CPED1: variants seen among roughly 807,000 people sequenced by gnomAD.
CPED1 encodes cadherin like and PC-esterase domain containing 1, also known as cadherin-like and PC-esterase domain-containing protein 1.
CPED1 carries 114 observed loss-of-function variants against 128.2 expected under a neutral mutation model. The observed-to-expected ratio is 0.89, with a 90% confidence interval of 0.76 to 1.04. CPED1 has a LOEUF of 1.04. Among genes scored for constraint, CPED1 ranks in the 50% least tolerant of loss-of-function variants. CPED1 has a pLI of 0.00. For missense variants in CPED1, 1,211 were observed against 1,207.1 expected (o/e 1.00, Z -0.05); for synonymous variants, 462 against 426.7 (o/e 1.08, Z -1.02).
chr7:121,024,015 G>GA, intron 3 of CPED1, among the ~76,000 whole-genome samples: 1 of 152,094 alleles, frequency 6.6e-6, no homozygotes, highest in East Asian at 1.9e-4. Context: ...AAACTGGGGG[G>GA]AAAAAAGGAA....
intron 16 of CPED1, among the ~76,000 whole-genome samples, chr7:121,144,668 T>C (rs2116378899): frequency 6.6e-6 from 1 of 152,032 alleles, no homozygotes; most frequent in African/African-American, 2.4e-5. Context: ...TCAAAACAAC[T>C]AGAAGAGTGG....
At chr7:121,284,001 G>A (rs770820351) in intron 22 of CPED1, among the ~76,000 whole-genome samples, 5 of 152,224 alleles carry the variant, frequency 3.3e-5, no homozygotes, top group Middle Eastern at 3.4e-3. Flanking sequence ...GTATTAGTCC[G>A]TTCTCATGCT....
rs1036960866 is a variant in CPED1 at position 121,046,805 on chromosome 7, AT to A, written c.434-76del. ...TGTGTTTCAGAATTTAAATAATTAC[AT>A]TTTTTAATCTGAAGAATTAAATATT... On this transcript the variant is annotated intron_variant, in intron 3 of 22. Transcript: ENST00000310396. The A allele has an allele frequency of 2.2e-5, 19 of 864,168 alleles. No individual in the cohort carries two copies. The African/African-American group carries it at 2.9e-4, about 13-fold the overall frequency. 53.5% of individuals were successfully genotyped at this position (864,168 alleles called of 1,614,324 possible). A position where few individuals can be genotyped will look rare whatever the true frequency, so the allele number is the denominator to read the frequency against.
chr7:121,156,016 C>A (rs1227189709), intron 16 of CPED1, among the ~76,000 whole-genome samples: 1 of 152,058 alleles, frequency 6.6e-6, no homozygotes, highest in African/African-American at 2.4e-5. Context: ...AAAAATAAAT[C>A]TGATTTTAAA....
rs546744522 is a variant in CPED1 at position 121,269,805 on chromosome 7, G to A, written c.2722-1479G>A. 9.9e-5 allele frequency among the ~76,000 whole-genome samples: 15 copies of A among 151,996 alleles called. No homozygotes were observed. In the East Asian group the frequency reaches 2.7e-3, roughly 28 times the overall value. On this transcript the variant is annotated intron_variant, in intron 21 of 22. Coordinates refer to ENST00000310396, the MANE Select transcript of CPED1 (RefSeq NM_024913.5). ...CTTGTATGTTGTATTAGTCTGCTTT[G>A]CATTGCTATAAAGAAATACCAGAGA...
intron 16 of CPED1, among the ~76,000 whole-genome samples, chr7:121,177,562 C>G (rs890553195): frequency 6.6e-6 from 1 of 151,884 alleles, no homozygotes; most frequent in African/African-American, 2.4e-5. Context: ...GTGTACAAGC[C>G]AAACAAAATG....
chr7:121,044,648 C>CTTT lies in CPED1; in HGVS notation c.434-2238_434-2237insTTT, dbSNP rs35159862. On this transcript the variant is annotated intron_variant, in intron 3 of 22. Transcript: ENST00000310396. ...GATTGCTGAGAGCAGTGACTTTCTG[C>CTTT]TCTTTTTTTTTTTTTTTTTTTGCTA... Among the ~76,000 whole-genome samples the CTTT allele has an allele frequency of 2.2e-3, 152 of 69,498 alleles. 20 individuals are homozygous for CTTT. The highest frequency in any genetic ancestry group is 6.5e-3 in the African/African-American group (129 of 19,726). The allele number at this position is 69,498 out of a possible 152,430, so 45.6% of individuals were successfully genotyped here.
chr7:121,279,090 C>T (rs1203256389), intron 22 of CPED1, among the ~76,000 whole-genome samples: 2 of 152,036 alleles, frequency 1.3e-5, no homozygotes, highest in African/African-American at 4.8e-5. Flanking sequence ...TTGGTGAAAA[C>T]AGGTTTTGTT....
At chr7:121,154,505 A>C (rs1243165697) in intron 16 of CPED1, among the ~76,000 whole-genome samples, 2 of 151,700 alleles carry the variant, frequency 1.3e-5, no homozygotes, top group Admixed American at 6.6e-5. Flanking sequence ...ATCACAAAAT[A>C]TGTTGAATTT....
chr7:121,127,462 A>G (rs1384037032), intron 10 of CPED1, among the ~76,000 whole-genome samples: 3 of 151,962 alleles, frequency 2.0e-5, no homozygotes, highest in African/African-American at 7.2e-5. Context: ...TTATGATAAA[A>G]TTATGGGTTG....
At chr7:121,293,325 C>G (rs1211096255) in intron 22 of CPED1, among the ~76,000 whole-genome samples, 1 of 152,154 alleles carries the variant, frequency 6.6e-6, no homozygotes, top group Non-Finnish European at 1.5e-5. Flanking sequence ...ACTGCCTACT[C>G]AAGCCTCAGT....
At chr7:120,991,406 TCA>T (rs1796307387) in intron 2 of CPED1, among the ~76,000 whole-genome samples, 1 of 152,222 alleles carries the variant, frequency 6.6e-6, no homozygotes, top group Non-Finnish European at 1.5e-5. Context: ...CCTGACTACA[TCA>T]CAGTTACAAT....
chr7:121,081,003 A>G (rs1189945011), intron 5 of CPED1, among the ~76,000 whole-genome samples: 3 of 152,212 alleles, frequency 2.0e-5, no homozygotes, highest in African/African-American at 7.2e-5. Context: ...AAAGCCCACC[A>G]AAGTGATGCA....
At chr7:121,266,875 A>G in intron 20 of CPED1, 67 bp downstream of exon 20, 6 of 1,059,012 alleles carry the variant, frequency 5.7e-6, no homozygotes, top group Admixed American at 1.8e-5. Context: ...GATGTGACTG[A>G]GTTTTATCCA....
intron 16 of CPED1, among the ~76,000 whole-genome samples, chr7:121,163,350 A>G (rs1456353233): frequency 6.6e-6 from 1 of 152,212 alleles, no homozygotes; most frequent in East Asian, 1.9e-4. Flanking sequence ...CTTTATTCAA[A>G]ACATATCTGG....
At chr7:121,288,441 A>G (rs918913478) in intron 22 of CPED1, among the ~76,000 whole-genome samples, 1 of 152,176 alleles carries the variant, frequency 6.6e-6, no homozygotes, top group Non-Finnish European at 1.5e-5. Context: ...TAACCCCATC[A>G]TCCTGATTTC....
At chr7:121,137,021 A>ATT (rs1795800218) in intron 14 of CPED1, among the ~76,000 whole-genome samples, 1 of 151,986 alleles carries the variant, frequency 6.6e-6, no homozygotes, top group Non-Finnish European at 1.5e-5. Context: ...AAATATATAT[A>ATT]TACGTGTGTG....
At chr7:121,100,990 T>A (rs11977465) in intron 7 of CPED1, among the ~76,000 whole-genome samples, 66,066 of 151,952 alleles carry the variant, frequency 0.43, 15,657 homozygotes, top group East Asian at 0.83. Context: ...CTGAAAAGCT[T>A]ACATATTCTT....
At chr7:121,203,852 A>G (rs1683078174) in intron 16 of CPED1, among the ~76,000 whole-genome samples, 1 of 152,100 alleles carries the variant, frequency 6.6e-6, no homozygotes, top group Non-Finnish European at 1.5e-5. Flanking sequence ...AAGAAAGAAA[A>G]AGGATGGTAA....
Sources: allele counts gnomAD v4.1 joint callset (sites outside exome capture counted in the v4.1 genomes callset), GRCh38; gene constraint gnomAD v4.1.1; transcripts MANE v1.5; gene names NCBI Gene and HGNC (gene_info 2026-07-23, HGNC 2026-07-21).